GTF2I: variants seen among roughly 807,000 people sequenced by gnomAD.
GTF2I encodes the protein general transcription factor IIi.
A neutral mutation model predicts 67.6 loss-of-function variants in GTF2I; 12 were observed. That is an observed-to-expected ratio of 0.18 (90% CI 0.11 to 0.29). The LOEUF is 0.29. Ranked by LOEUF, GTF2I falls within the 10% of genes least tolerant of loss-of-function variation. GTF2I has a pLI of 1.00. For missense variants in GTF2I, 271 were observed against 580.1 expected, an observed-to-expected ratio of 0.47 and a Z score of 5.47; for synonymous variants, 149 against 197.0, an observed-to-expected ratio of 0.76 and a Z score of 2.04.
intron 3 of GTF2I, among the ~76,000 whole-genome samples, chr7:74,698,394 T>C (rs1265688123): frequency 7.2e-6 from 1 of 139,738 alleles, no homozygotes; most frequent in Non-Finnish European, 1.6e-5. Flanking sequence ...CTGGCCTTTT[T>C]TTTTTTTTTT....
At chr7:74,727,989 A>G (rs908618115) in intron 12 of GTF2I, 3 of 152,184 alleles carry the variant, frequency 2.0e-5, no homozygotes, top group African/African-American at 7.2e-5. Context: ...AAGCCCATAC[A>G]TTTTGCACTT....
chr7:74,660,242 T>G (rs1584047426), intron 1 of GTF2I, among the ~76,000 whole-genome samples: 1 of 151,070 alleles, frequency 6.6e-6, no homozygotes, highest in East Asian at 1.9e-4. Context: ...CAGGCTGGAG[T>G]GCAGTGGCGC....
At chr7:74,665,194 GGCCTCCCAAAGT>G (rs1804865136) in intron 1 of GTF2I, among the ~76,000 whole-genome samples, 1 of 150,156 alleles carries the variant, frequency 6.7e-6, no homozygotes, top group Non-Finnish European at 1.5e-5. Flanking sequence ...CACCCGCCTC[GGCCTCCCAAAGT>G]GCTGGGATTA....
chr7:74,699,952 C>T, intron 4 of GTF2I: 1 of 262,146 alleles, frequency 3.8e-6, no homozygotes. Context: ...TGAGAATATG[C>T]CAGGATGGGA....
intron 19 of GTF2I, among the ~76,000 whole-genome samples, chr7:74,738,989 T>C (rs1320808339): frequency 0.018 from 546 of 30,378 alleles, 4 homozygotes; most frequent in African/African-American, 0.046. Flanking sequence ...ATTTTCTTTA[T>C]TAGAGCTCTA....
At chr7:74,688,077 T>C (rs942744519) in intron 1 of GTF2I, among the ~76,000 whole-genome samples, 6 of 152,266 alleles carry the variant, frequency 3.9e-5, no homozygotes, top group Admixed American at 1.3e-4. Flanking sequence ...TTTGGTAAAA[T>C]ATACATAATT....
rs782076891 is a variant in GTF2I at position 74,689,235 on chromosome 7, C to T, written c.99+8C>T. ...TCAGCTCTCGAGTCCATGGTGAGGC[C>T]TTCTGTTCCATCATTCCATAGTTGG... is the stretch of plus-strand genomic sequence containing the variant. On this transcript the variant is annotated splice_region_variant and intron_variant, in intron 2 of 34. Coordinates refer to ENST00000573035, the MANE Select transcript of GTF2I (RefSeq NM_032999.4). 6 of 1,499,296 alleles carry T rather than the reference C, an allele frequency of 4.0e-6. No individual in the cohort carries two copies. The South Asian group carries it at 5.6e-5, about 14-fold the overall frequency. 92.9% of individuals were successfully genotyped at this position (1,499,296 alleles called of 1,614,324 possible).
chr7:74,680,421 G>A (rs1170550875), intron 1 of GTF2I, among the ~76,000 whole-genome samples: 7 of 151,772 alleles, frequency 4.6e-5, no homozygotes, highest in East Asian at 1.9e-4. Flanking sequence ...ATCTTCAAGC[G>A]CGTTCTTCCT....
intron 3 of GTF2I, among the ~76,000 whole-genome samples, chr7:74,694,999 G>A (rs1166378771): frequency 2.6e-5 from 4 of 152,306 alleles, no homozygotes; most frequent in South Asian, 2.1e-4. Context: ...GTTGTTCACC[G>A]AATATTTTAA....
At chr7:74,666,158 G>T (rs1254872866) in intron 1 of GTF2I, among the ~76,000 whole-genome samples, 1 of 152,138 alleles carries the variant, frequency 6.6e-6, no homozygotes, top group African/African-American at 2.4e-5. Flanking sequence ...TTGACAGTTG[G>T]ATTGATGAAA....
At chr7:74,701,947 T>C (rs1337723951) in intron 6 of GTF2I, among the ~76,000 whole-genome samples, 1 of 152,202 alleles carries the variant, frequency 6.6e-6, no homozygotes, top group Non-Finnish European at 1.5e-5. Flanking sequence ...GAAATGAGCT[T>C]TTTTCACTGA....
chr7:74,701,317 A>T (rs1417042387), intron 6 of GTF2I, among the ~76,000 whole-genome samples: 1 of 152,152 alleles, frequency 6.6e-6, no homozygotes, highest in Non-Finnish European at 1.5e-5. Flanking sequence ...ACTTTTAAAC[A>T]TGTAACTATG....
At chr7:74,725,779 T>C (rs1554405543) in intron 12 of GTF2I, among the ~76,000 whole-genome samples, 1 of 152,150 alleles carries the variant, frequency 6.6e-6, no homozygotes, top group Non-Finnish European at 1.5e-5. Flanking sequence ...ATCCCTGATA[T>C]TTTCAATATT....
intron 9 of GTF2I, among the ~76,000 whole-genome samples, chr7:74,712,530 GTGTGTGTC>G (rs1183427714): frequency 1.5e-5 from 2 of 129,334 alleles, no homozygotes; most frequent in East Asian, 2.1e-4. Flanking sequence ...GTGTGTGTGT[GTGTGTGTC>G]ATGTCATATT....
intron 1 of GTF2I, among the ~76,000 whole-genome samples, chr7:74,670,378 G>A (rs1444632466): frequency 6.6e-6 from 1 of 152,108 alleles, no homozygotes; most frequent in East Asian, 1.9e-4. Context: ...TCTGTTGCCT[G>A]CCTTCTGTGA....
chr7:74,691,703 TAG>T (rs1788324363), intron 3 of GTF2I, among the ~76,000 whole-genome samples: 1 of 152,142 alleles, frequency 6.6e-6, no homozygotes, highest in African/African-American at 2.4e-5. Context: ...TGAGATGCAT[TAG>T]AGAGAAGGTA....
At chr7:74,716,562 T>C (rs1365350245) in intron 10 of GTF2I, 2 of 215,670 alleles carry the variant, frequency 9.3e-6, no homozygotes, top group African/African-American at 2.3e-5. Context: ...CTTTGACAGA[T>C]GAGCATGGTA....
Position 74,680,099 on chromosome 7 carries a change from A to AATATAT in GTF2I, c.-5-9012_-5-9007dup, listed in dbSNP as rs1554393663. Reference sequence around the variant, plus strand: ...CATCTCAAAAAAAAAAAAAAAAAAAAATATATATATATATATATGTATGTA... The same window carrying AATATAT: ...CATCTCAAAAAAAAAAAAAAAAAAAAATATATATATATATATATATATATGTATGTA... On this transcript the variant is annotated intron_variant, in intron 1 of 34. Coordinates refer to ENST00000573035, the MANE Select transcript of GTF2I (RefSeq NM_032999.4). 8.4e-4 allele frequency among the ~76,000 whole-genome samples: 80 copies of AATATAT among 94,942 alleles called. 2 individuals are homozygous for AATATAT. Among genetic ancestry groups the AATATAT allele is most frequent in the Middle Eastern group, 5.4e-3 (1 of 186 alleles). 62.3% of individuals were successfully genotyped at this position (94,942 alleles called of 152,430 possible).
chr7:74,688,942 G>GGATA, intron 1 of GTF2I, 182 bp from the exon 2 acceptor site: 2 of 511,376 alleles, frequency 3.9e-6, no homozygotes, highest in Non-Finnish European at 7.0e-6. Flanking sequence ...GAAAATTAGG[G>GGATA]GATAGATTCT....
Sources: gnomAD v4.1 joint callset for allele counts (sites outside exome capture counted in the v4.1 genomes callset) on GRCh38, gnomAD v4.1.1 for gene constraint, MANE v1.5 for transcripts, NCBI Gene and HGNC (gene_info 2026-07-23, HGNC 2026-07-21) for gene names.